Variants in SGCD observed in about 807,000 individuals in gnomAD.
SGCD encodes the protein delta-sarcoglycan.
SGCD carries 18 observed loss-of-function variants against 36.6 expected under a neutral mutation model. The ratio of observed to expected loss-of-function variants is 0.49; its 90% CI spans 0.34 to 0.73. The LOEUF is 0.73. Among genes scored for constraint, SGCD ranks in the 30% least tolerant of loss-of-function variants. The pLI, the probability that SGCD is intolerant of heterozygous loss-of-function variation, is 0.01. For missense variants in SGCD, 387 were observed against 346.7 expected, an observed-to-expected ratio of 1.12 and a Z score of -0.92; for synonymous variants, 133 against 130.6, an observed-to-expected ratio of 1.02 and a Z score of -0.12.
At chr5:156,566,465 A>C (rs1759482179) in intron 4 of SGCD, among the ~76,000 whole-genome samples, 1 of 152,136 alleles carries the variant, frequency 6.6e-6, no homozygotes, top group Non-Finnish European at 1.5e-5. Flanking sequence ...ACTTGAGCTG[A>C]ATCTACTTAG....
At chr5:155,940,881 AAAC>A (rs1291155500) in intron 1 of SGCD, among the ~76,000 whole-genome samples, 50 of 151,906 alleles carry the variant, frequency 3.3e-4, no homozygotes, top group African/African-American at 1.1e-3. Flanking sequence ...ACAACAAAAA[AAAC>A]ATTAACTAGT....
chr5:156,157,283 C>T (rs1762984979), intron 3 of SGCD, among the ~76,000 whole-genome samples: 1 of 151,740 alleles, frequency 6.6e-6, no homozygotes, highest in Non-Finnish European at 1.5e-5. Context: ...TTAGTCTTCA[C>T]GTGCACTATG....
chr5:156,549,151 T>TTTTTTTTTTTTTTTTTTTTTG (rs1758695198), intron 4 of SGCD, among the ~76,000 whole-genome samples: 1 of 151,934 alleles, frequency 6.6e-6, no homozygotes, highest in African/African-American at 2.4e-5. Context: ...TAGGACTATT[T>TTTTTTTTTTTTTTTTTTTTTG]AACATTCTAT....
intron 1 of SGCD, among the ~76,000 whole-genome samples, chr5:155,981,730 C>A (rs143954655): frequency 2.0e-5 from 3 of 152,296 alleles, no homozygotes; most frequent in African/African-American, 7.2e-5. Flanking sequence ...TACAATGAAT[C>A]TGTGCTATAT....
chr5:156,253,455 T>C (rs1765635958), intron 3 of SGCD, among the ~76,000 whole-genome samples: 1 of 152,132 alleles, frequency 6.6e-6, no homozygotes, highest in Non-Finnish European at 1.5e-5. Flanking sequence ...ATACTTGAGT[T>C]GGGATAAGAA....
intron 1 of SGCD, among the ~76,000 whole-genome samples, chr5:155,929,874 A>G (rs1685596146): frequency 6.6e-6 from 1 of 152,142 alleles, no homozygotes; most frequent in Admixed American, 6.5e-5. Context: ...TTCACTTTGC[A>G]CTTTCTACTT....
chr5:156,312,362 T>A lies in SGCD; in HGVS notation c.-43-17172T>A, dbSNP rs143871780. 2.5e-3 allele frequency among the ~76,000 whole-genome samples: 387 copies of A among 152,336 alleles called. 2 individuals are homozygous for A. Among genetic ancestry groups the A allele is most frequent in the African/African-American group, 6.4e-3 (268 of 41,576 alleles). ...AATGTCACTTCCTTGAACATAAATT[T>A]CTTTACTGATATACTTAGAAAAAGG... On this transcript the variant is annotated intron_variant, in intron 3 of 9. Transcript: ENST00000517913.
At chr5:156,181,370 A>G (rs1236768498) in intron 3 of SGCD, among the ~76,000 whole-genome samples, 1 of 152,216 alleles carries the variant, frequency 6.6e-6, no homozygotes, top group African/African-American at 2.4e-5. Flanking sequence ...AAAACTTGCT[A>G]TCATTAACAT....
At chr5:155,889,984 C>A (rs1047576146) in intron 1 of SGCD, among the ~76,000 whole-genome samples, 9 of 152,174 alleles carry the variant, frequency 5.9e-5, no homozygotes, top group Non-Finnish European at 1.2e-4. Context: ...ATGCTGAGTG[C>A]ATGATATAAA....
At chr5:156,357,298 C>A (rs570166337) in intron 3 of SGCD, among the ~76,000 whole-genome samples, 1 of 152,312 alleles carries the variant, frequency 6.6e-6, no homozygotes, top group African/African-American at 2.4e-5. Context: ...AGGCTTAATT[C>A]ACCTGTCCAA....
At chr5:155,979,255 T>C (rs1490160580) in intron 1 of SGCD, among the ~76,000 whole-genome samples, 4 of 152,172 alleles carry the variant, frequency 2.6e-5, no homozygotes, top group Non-Finnish European at 5.9e-5. Flanking sequence ...TAGATGAGTG[T>C]TTAATGTACA....
intron 3 of SGCD, among the ~76,000 whole-genome samples, chr5:156,496,645 CAAAG>C (rs1378277642): frequency 6.6e-6 from 1 of 152,022 alleles, no homozygotes; most frequent in African/African-American, 2.4e-5. Context: ...GCTGTGTAGA[CAAAG>C]AAAAATAATA....
At chr5:155,822,998 CTCTG>C in the SGCD span, among the ~76,000 whole-genome samples, 1 of 152,058 alleles carries the variant, frequency 6.6e-6, no homozygotes, top group East Asian at 1.9e-4. Flanking sequence ...ATATCCTTGT[CTCTG>C]TCTGTATCTC....
chr5:156,576,754 C>A (rs185133529), intron 4 of SGCD, among the ~76,000 whole-genome samples: 70 of 152,118 alleles, frequency 4.6e-4, no homozygotes, highest in Non-Finnish European at 9.9e-4. Flanking sequence ...TATCCTTTGC[C>A]CACTTTTTGA....
chr5:156,230,716 G>T (rs751857937), intron 3 of SGCD, among the ~76,000 whole-genome samples: 3 of 152,160 alleles, frequency 2.0e-5, no homozygotes, highest in Non-Finnish European at 4.4e-5. Context: ...GTCTGTCTGA[G>T]TGGGAGCTGT....
chr5:156,328,132 C>T (rs1397185170), intron 1 of SGCD, among the ~76,000 whole-genome samples: 1 of 152,150 alleles, frequency 6.6e-6, no homozygotes, highest in Non-Finnish European at 1.5e-5. Flanking sequence ...CTTAGTGTTC[C>T]TCTTCAGTTT....
chr5:156,537,459 C>CCACACACACACACACACACACACACACA (rs769070218), intron 4 of SGCD, among the ~76,000 whole-genome samples: 3 of 125,808 alleles, frequency 2.4e-5, no homozygotes, highest in Non-Finnish European at 3.3e-5. Flanking sequence ...AAGGTAGCAG[C>CCACACACACACACACACACACACACACA]CACACACACA....
chr5:156,450,691 A>G (rs1753969381), intron 3 of SGCD, among the ~76,000 whole-genome samples: 1 of 152,136 alleles, frequency 6.6e-6, no homozygotes. Flanking sequence ...CCAACAAAAC[A>G]CTGGCATTCA....
At chr5:155,757,261 C>T in the SGCD span, among the ~76,000 whole-genome samples, 1 of 152,210 alleles carries the variant, frequency 6.6e-6, no homozygotes. Context: ...TAACAATGAG[C>T]CAGTATTTAT....
Sources: allele counts gnomAD v4.1 joint callset (sites outside exome capture counted in the v4.1 genomes callset), GRCh38; gene constraint gnomAD v4.1.1; transcripts MANE v1.5; gene names NCBI Gene and HGNC (gene_info 2026-07-23, HGNC 2026-07-21).